The following HCRTR2 variants were observed in gnomAD, a reference collection of about 807,000 sequenced individuals.
HCRTR2 encodes hypocretin receptor 2.
In HCRTR2, 22 loss-of-function variants were observed where a neutral mutation model predicts 49.0. That is an observed-to-expected ratio of 0.45 (90% CI 0.32 to 0.64). The LOEUF (loss-of-function observed/expected upper bound fraction) is 0.64, where lower values mean the gene tolerates loss of function less well. Among genes scored for constraint, HCRTR2 ranks in the 30% least tolerant of loss-of-function variants. The probability of loss-of-function intolerance (pLI) is 0.04; values close to 1 mark genes in which losing one functional copy is unlikely to be tolerated. For missense variants in HCRTR2, 491 were observed against 559.4 expected (o/e 0.88, Z 1.23); for synonymous variants, 236 against 205.3 (o/e 1.15, Z -1.28).
At chr6:55,256,447 A>G (rs1238783831) in intron 3 of HCRTR2, among the ~76,000 whole-genome samples, 1 of 152,164 alleles carries the variant, frequency 6.6e-6, no homozygotes, top group Non-Finnish European at 1.5e-5. Context: ...TCACTGATAT[A>G]TTAGGCATAT....
intron 1 of HCRTR2, among the ~76,000 whole-genome samples, chr6:55,192,411 G>GCA (rs1436691152): frequency 3.2e-3 from 143 of 44,704 alleles, no homozygotes; most frequent in African/African-American, 0.012. Flanking sequence ...ACGCGCGCGC[G>GCA]CGCACACACA....
intron 4 of HCRTR2, among the ~76,000 whole-genome samples, chr6:55,270,787 A>C (rs1398098178): frequency 6.6e-6 from 1 of 152,200 alleles, no homozygotes; most frequent in Non-Finnish European, 1.5e-5. Context: ...AAAATCCAAA[A>C]AAACTCACAT....
chr6:55,142,813 A>G (rs1233433360), intron 1 of HCRTR2, among the ~76,000 whole-genome samples: 2 of 151,672 alleles, frequency 1.3e-5, no homozygotes, highest in Non-Finnish European at 2.9e-5. Flanking sequence ...TTATTTCTAT[A>G]CAAGGAAACA....
At chr6:55,117,541 T>G (rs1277093222) in intron 1 of HCRTR2, among the ~76,000 whole-genome samples, 1 of 151,808 alleles carries the variant, frequency 6.6e-6, no homozygotes, top group Non-Finnish European at 1.5e-5. Flanking sequence ...CAAACATTAC[T>G]ATTTACTTGT....
At chr6:55,163,204 T>G (rs1581801774) in intron 1 of HCRTR2, among the ~76,000 whole-genome samples, 1 of 151,256 alleles carries the variant, frequency 6.6e-6, no homozygotes, top group South Asian at 2.1e-4. Context: ...GTCACTGCAC[T>G]CCAGCCTGAG....
chr6:55,114,290 T>A (rs1369893491), intron 1 of HCRTR2, among the ~76,000 whole-genome samples: 2 of 21,888 alleles, frequency 9.1e-5, no homozygotes, highest in Admixed American at 7.3e-4. Flanking sequence ...ATAAAATATA[T>A]CATTCAAATT....
intron 1 of HCRTR2, among the ~76,000 whole-genome samples, chr6:55,195,950 C>A (rs189605769): frequency 6.6e-6 from 1 of 151,864 alleles, no homozygotes; most frequent in Non-Finnish European, 1.5e-5. Context: ...CCAGCCTGGG[C>A]GACAGAGCGA....
intron 1 of HCRTR2, among the ~76,000 whole-genome samples, chr6:55,144,501 T>C (rs1764552751): frequency 6.6e-6 from 1 of 152,162 alleles, no homozygotes; most frequent in Non-Finnish European, 1.5e-5. Context: ...CCCAAACTTC[T>C]TGGTACCAGG....
At chr6:55,284,175 T>G (rs1040043008), downstream of HCRTR2, among the ~76,000 whole-genome samples, 2 of 152,030 alleles carry the variant, frequency 1.3e-5, no homozygotes, top group Non-Finnish European at 2.9e-5. Context: ...AGTAAATTCC[T>G]TAGACCCAAA....
At chr6:55,172,858 T>C (rs910338427), upstream of HCRTR2, among the ~76,000 whole-genome samples, 1 of 152,216 alleles carries the variant, frequency 6.6e-6, no homozygotes, top group African/African-American at 2.4e-5. Context: ...AATCTCAGTG[T>C]AAACCACCAA....
intron 1 of HCRTR2, among the ~76,000 whole-genome samples, chr6:55,112,278 C>G (rs1764059447): frequency 6.6e-6 from 1 of 151,560 alleles, no homozygotes; most frequent in African/African-American, 2.4e-5. Flanking sequence ...AACGTAGTAC[C>G]ATAAGTTTTA....
At chr6:55,237,521 G>A (rs12055777) in intron 1 of HCRTR2, among the ~76,000 whole-genome samples, 1 of 152,028 alleles carries the variant, frequency 6.6e-6, no homozygotes, top group Admixed American at 6.6e-5. Context: ...CTAAATTTCC[G>A]GCTCAGCATC....
At chr6:55,265,735 G>A (rs1350851265) in intron 4 of HCRTR2, among the ~76,000 whole-genome samples, 1 of 152,014 alleles carries the variant, frequency 6.6e-6, no homozygotes, top group Admixed American at 6.6e-5. Context: ...AAAAACACAA[G>A]GGCCAGACTG....
chr6:55,280,485 C>CA (rs775236688), intron 6 of HCRTR2, 41 bp downstream of exon 6: 1 of 1,608,554 alleles, frequency 6.2e-7, no homozygotes, highest in Non-Finnish European at 8.5e-7. Flanking sequence ...CAATTGTAAC[C>CA]AAGGATGAGG....
At chr6:55,127,480 G>T (rs1007932145) in intron 1 of HCRTR2, among the ~76,000 whole-genome samples, 1 of 152,162 alleles carries the variant, frequency 6.6e-6, no homozygotes, top group Non-Finnish European at 1.5e-5. Context: ...CGTTGGACTT[G>T]CTGGGAGCTG....
chr6:55,127,075 A>C (rs1047782607), intron 1 of HCRTR2, among the ~76,000 whole-genome samples: 5 of 151,914 alleles, frequency 3.3e-5, no homozygotes, highest in African/African-American at 1.2e-4. Flanking sequence ...AGTGGGAGTG[A>C]TTGGTTCTGT....
intron 4 of HCRTR2, among the ~76,000 whole-genome samples, chr6:55,273,522 C>T (rs1195937585): frequency 6.6e-6 from 1 of 152,094 alleles, no homozygotes; most frequent in African/African-American, 2.4e-5. Flanking sequence ...ATCTTTTTCT[C>T]ACTAACCGCC....
chr6:55,185,133 G>A (rs1030162981), intron 1 of HCRTR2, among the ~76,000 whole-genome samples: 2 of 152,106 alleles, frequency 1.3e-5, no homozygotes, highest in African/African-American at 4.8e-5. Flanking sequence ...TAAAAACTTA[G>A]CATCCTCAAT....
intron 1 of HCRTR2, among the ~76,000 whole-genome samples, chr6:55,218,243 A>G: frequency 6.6e-6 from 1 of 152,178 alleles, no homozygotes; most frequent in East Asian, 1.9e-4. Context: ...TACATTGGGG[A>G]TGAAGTTTCA....
Sources: allele counts gnomAD v4.1 joint callset (sites outside exome capture counted in the v4.1 genomes callset), GRCh38; gene constraint gnomAD v4.1.1; transcripts MANE v1.5; gene names NCBI Gene and HGNC (gene_info 2026-07-23, HGNC 2026-07-21).